Variants in AGMO observed in about 807,000 individuals in gnomAD.
AGMO encodes the protein alkylglycerol monooxygenase.
AGMO carries 75 observed loss-of-function variants against 60.2 expected under a neutral mutation model. The ratio of observed to expected loss-of-function variants is 1.25; its 90% confidence interval spans 1.03 to 1.51. The LOEUF (loss-of-function observed/expected upper bound fraction) is 1.51, where lower values mean the gene tolerates loss of function less well. Ranked by LOEUF, AGMO falls within the 40% of genes most tolerant of loss-of-function variation. The probability of loss-of-function intolerance (pLI) is 0.00; values close to 1 mark genes in which losing one functional copy is unlikely to be tolerated. For synonymous variants in AGMO, 261 were observed against 177.1 expected, an observed-to-expected ratio of 1.47 and a Z score of -3.76; for missense variants, 763 against 525.5, an observed-to-expected ratio of 1.45 and a Z score of -4.42.
chr7:15,454,496 T>C (rs1781946276), intron 3 of AGMO, among the ~76,000 whole-genome samples: 1 of 152,132 alleles, frequency 6.6e-6, no homozygotes, highest in African/African-American at 2.4e-5. Flanking sequence ...ACAACTTAAA[T>C]ATACATGTTT....
At chr7:15,463,694 T>C (rs934795747) in intron 3 of AGMO, among the ~76,000 whole-genome samples, 3 of 152,118 alleles carry the variant, frequency 2.0e-5, no homozygotes, top group Non-Finnish European at 4.4e-5. Context: ...AGGTGTGAAA[T>C]TGGACAATGC....
At chr7:15,368,460 T>C (rs1266830937) in intron 10 of AGMO, among the ~76,000 whole-genome samples, 1 of 152,126 alleles carries the variant, frequency 6.6e-6, no homozygotes, top group East Asian at 1.9e-4. Context: ...TTGCAAATGC[T>C]CTTTAAGAAC....
chr7:15,159,462 G>C, the AGMO span, among the ~76,000 whole-genome samples: 8 of 152,154 alleles, frequency 5.3e-5, no homozygotes, highest in African/African-American at 1.9e-4. Context: ...ATGAGTCCAG[G>C]ACTGGAAAAG....
chr7:15,280,636 C>T (rs1783935700), intron 12 of AGMO, among the ~76,000 whole-genome samples: 1 of 152,258 alleles, frequency 6.6e-6, no homozygotes, highest in Non-Finnish European at 1.5e-5. Flanking sequence ...ACTACTGCAG[C>T]TGGTGCCCTT....
At chr7:15,354,504 A>ACGCGTG (rs1451727408) in intron 12 of AGMO, among the ~76,000 whole-genome samples, 377 of 35,592 alleles carry the variant, frequency 0.011, 30 homozygotes, top group Non-Finnish European at 0.014. Context: ...GTGTATATAT[A>ACGCGTG]TATATATATA....
intron 12 of AGMO, among the ~76,000 whole-genome samples, chr7:15,214,508 C>G (rs1050310704): frequency 6.6e-6 from 1 of 151,930 alleles, no homozygotes; most frequent in Non-Finnish European, 1.5e-5. Flanking sequence ...TTCTCACACC[C>G]TCAAATTTGA....
the AGMO span, among the ~76,000 whole-genome samples, chr7:15,168,328 AAAAT>A: frequency 4.7e-4 from 72 of 152,340 alleles, no homozygotes; most frequent in African/African-American, 1.7e-3. Context: ...AAGCAATGAA[AAAAT>A]AAATAAATAA....
intron 12 of AGMO, among the ~76,000 whole-genome samples, chr7:15,299,886 C>CACACAAAA (rs774065679): frequency 3.5e-5 from 4 of 114,640 alleles, no homozygotes; most frequent in African/African-American, 1.7e-4. Flanking sequence ...CACACACACA[C>CACACAAAA]AGTATGTTTT....
intron 4 of AGMO, among the ~76,000 whole-genome samples, chr7:15,430,496 G>A (rs1367443567): frequency 6.6e-6 from 1 of 151,298 alleles, no homozygotes; most frequent in African/African-American, 2.4e-5. Flanking sequence ...TAATTTCCTT[G>A]TGTGAGAATA....
chr7:15,210,934 A>G (rs1414287062), intron 12 of AGMO, among the ~76,000 whole-genome samples: 2 of 152,116 alleles, frequency 1.3e-5, no homozygotes, highest in Admixed American at 6.5e-5. Context: ...TGTTAATTCA[A>G]AAACTTAAAG....
intron 3 of AGMO, among the ~76,000 whole-genome samples, chr7:15,451,939 ATGGT>A (rs1311248041): frequency 6.6e-6 from 1 of 152,206 alleles, no homozygotes; most frequent in Admixed American, 6.5e-5. Context: ...CAGTGTATGA[ATGGT>A]TGAAGGACAG....
chr7:15,437,272 G>C lies in AGMO; in HGVS notation c.410-6164C>G, dbSNP rs1053827718. Among the ~76,000 whole-genome samples the C allele has an allele frequency of 2.0e-5, 3 of 152,046 alleles. No homozygotes were observed. The South Asian group carries it at 6.2e-4, about 32-fold the overall frequency. The stretch of plus-strand genomic sequence containing the variant: ...ACTTCCTATAGCAGCAAATACAGTT[G>C]GTGATGATAAAAATAAATGGCATTA... On this transcript the variant is annotated intron_variant, in intron 3 of 12. Coordinates refer to ENST00000342526, the MANE Select transcript of AGMO (RefSeq NM_001004320.2).
At chr7:15,232,879 T>A (rs1583312928) in intron 12 of AGMO, among the ~76,000 whole-genome samples, 1 of 150,776 alleles carries the variant, frequency 6.6e-6, no homozygotes, top group African/African-American at 2.4e-5. Flanking sequence ...AAGTAGATAG[T>A]CCTAGCAACA....
chr7:15,322,960 C>T (rs1042360775), intron 12 of AGMO, among the ~76,000 whole-genome samples: 1 of 114,030 alleles, frequency 8.8e-6, no homozygotes, highest in African/African-American at 3.4e-5. Flanking sequence ...ATATATAACA[C>T]GTGTGTGTAT....
intron 12 of AGMO, among the ~76,000 whole-genome samples, chr7:15,332,612 G>A (rs954100140): frequency 5.9e-5 from 9 of 152,014 alleles, no homozygotes; most frequent in African/African-American, 1.9e-4. Flanking sequence ...CCCTTGGCAA[G>A]TAAAAATATC....
chr7:15,453,296 T>G (rs554365740), intron 3 of AGMO, among the ~76,000 whole-genome samples: 4 of 152,314 alleles, frequency 2.6e-5, no homozygotes, highest in Non-Finnish European at 5.9e-5. Context: ...AAAGAAGCTT[T>G]TATACGTGGT....
rs969448929 is a variant in AGMO, at chr7:15,400,532, T to C, written c.610-6353A>G. ...GGAGGAAAACACTGTATAATTTCTG[T>C]GTTCTAATCTGGGAGTTGGTGAGAG... On this transcript the variant is annotated intron_variant, in intron 5 of 12. Coordinates refer to ENST00000342526, the MANE Select transcript of AGMO (RefSeq NM_001004320.2). 2.0e-5 allele frequency among the ~76,000 whole-genome samples: 3 copies of C among 152,154 alleles called. No individual in the cohort carries two copies. The East Asian group carries it at 5.8e-4, about 29-fold the overall frequency.
chr7:15,146,202 T>C, the AGMO span, among the ~76,000 whole-genome samples: 1 of 152,188 alleles, frequency 6.6e-6, no homozygotes, highest in Non-Finnish European at 1.5e-5. Context: ...TATCAAGTTA[T>C]GTTATAAAAT....
intron 3 of AGMO, among the ~76,000 whole-genome samples, chr7:15,510,141 G>A (rs1275518620): frequency 6.6e-6 from 1 of 152,066 alleles, no homozygotes; most frequent in African/African-American, 2.4e-5. Context: ...ATGTCAAAGA[G>A]ACAAGATATA....
Sources: gnomAD v4.1 joint callset for allele counts (sites outside exome capture counted in the v4.1 genomes callset) on GRCh38, gnomAD v4.1.1 for gene constraint, MANE v1.5 for transcripts, NCBI Gene and HGNC (gene_info 2026-07-23, HGNC 2026-07-21) for gene names.